Variants in NALF1 observed in about 807,000 individuals in gnomAD.
The protein encoded by NALF1 is family with sequence similarity 155 member A.
NALF1 carries 3 observed loss-of-function variants against 48.4 expected under a neutral mutation model. That is an observed-to-expected ratio of 0.06 (90% CI 0.03 to 0.16). The LOEUF (loss-of-function observed/expected upper bound fraction) is 0.16. NALF1 is among the 10% of genes least tolerant of loss of function. NALF1 has a pLI of 1.00. For synonymous variants in NALF1, 262 were observed against 245.7 expected (o/e 1.07, Z -0.62); for missense variants, 526 against 571.5 (o/e 0.92, Z 0.81).
intron 1 of NALF1, among the ~76,000 whole-genome samples, chr13:107,505,950 T>A (rs1875685078): frequency 1.3e-5 from 2 of 152,134 alleles, no homozygotes; most frequent in African/African-American, 4.8e-5. Flanking sequence ...TAAATGCAAG[T>A]AGATAGTATA....
chr13:107,681,742 G>C (rs1264422778), intron 1 of NALF1, among the ~76,000 whole-genome samples: 1 of 152,088 alleles, frequency 6.6e-6, no homozygotes, highest in Admixed American at 6.6e-5. Flanking sequence ...TCCTCTCAAG[G>C]GAGCCCAAAG....
chr13:107,535,301 G>C (rs572655014), intron 1 of NALF1, among the ~76,000 whole-genome samples: 147 of 152,182 alleles, frequency 9.7e-4, no homozygotes, highest in African/African-American at 3.3e-3. Context: ...CATTCAGTAT[G>C]ATATTGGCTG....
chr13:107,617,903 C>T (rs1879422715), intron 1 of NALF1, among the ~76,000 whole-genome samples: 2 of 152,126 alleles, frequency 1.3e-5, no homozygotes, highest in African/African-American at 4.8e-5. Flanking sequence ...TGAAATTTTG[C>T]TTTATCTCAT....
At chr13:107,436,965 T>C (rs1408428221) in intron 1 of NALF1, among the ~76,000 whole-genome samples, 2 of 152,140 alleles carry the variant, frequency 1.3e-5, no homozygotes, top group Non-Finnish European at 2.9e-5. Context: ...AAGACATGAC[T>C]TGTCAAAATA....
In NALF1 at chr13:107,710,967, G is replaced by A. The variant is rs1436355833; in HGVS notation, c.915+154715C>T. Among the ~76,000 whole-genome samples, 9 of 151,172 alleles carry A rather than the reference G, an allele frequency of 6.0e-5. No homozygotes were observed. The East Asian group carries it at 7.8e-4, about 13-fold the overall frequency. On this transcript the variant is annotated intron_variant, in intron 1 of 2. Transcript: ENST00000375915. Reference sequence around the variant, plus strand: ...CATACATTCCTAGTAGTTATGTATCGATGAGTCTTATTTGCTTGGGAATGA... The same window carrying A: ...CATACATTCCTAGTAGTTATGTATCAATGAGTCTTATTTGCTTGGGAATGA...
At chr13:107,520,464 G>A (rs1205739495) in intron 1 of NALF1, among the ~76,000 whole-genome samples, 8 of 152,212 alleles carry the variant, frequency 5.3e-5, no homozygotes, top group Non-Finnish European at 1.2e-4. Flanking sequence ...GAAGAAATGA[G>A]CTCAGAGATT....
At chr13:107,177,104 A>G (rs1878955425) in intron 2 of NALF1, among the ~76,000 whole-genome samples, 2 of 152,080 alleles carry the variant, frequency 1.3e-5, no homozygotes, top group African/African-American at 4.8e-5. Context: ...AAAGAAATAA[A>G]GAAAGTTATC....
chr13:107,727,085 C>G (rs1876179394), intron 1 of NALF1, among the ~76,000 whole-genome samples: 1 of 152,048 alleles, frequency 6.6e-6, no homozygotes, highest in Non-Finnish European at 1.5e-5. Flanking sequence ...GCTGGGATTA[C>G]AGGCGTGATC....
At chr13:107,618,587 C>T (rs902996936) in intron 1 of NALF1, among the ~76,000 whole-genome samples, 1 of 152,112 alleles carries the variant, frequency 6.6e-6, no homozygotes, top group Non-Finnish European at 1.5e-5. Context: ...ATGGCAGTGG[C>T]CGGACCGGGA....
chr13:107,517,465 CAAA>C (rs929840753), intron 1 of NALF1, among the ~76,000 whole-genome samples: 1 of 150,790 alleles, frequency 6.6e-6, no homozygotes, highest in Non-Finnish European at 1.5e-5. Flanking sequence ...CCCGTCTCTG[CAAA>C]AAAAATACAA....
At position 107,370,065 on chromosome 13, in the gene NALF1, T is replaced by A. The variant is rs1452996352; in HGVS notation, c.916-159310A>T. ...GCCATTCTTCCGAATCATGCACATG[T>A]TACTTTGGGAAAGCTAAATGCCTAT... On this transcript the variant is annotated intron_variant, in intron 1 of 2. Coordinates refer to ENST00000375915, the MANE Select transcript of NALF1 (RefSeq NM_001080396.3). 3.3e-5 allele frequency among the ~76,000 whole-genome samples: 5 copies of A among 152,204 alleles called. No individual in the cohort carries two copies. The East Asian group carries it at 9.6e-4, about 29-fold the overall frequency.
intron 1 of NALF1, among the ~76,000 whole-genome samples, chr13:107,442,633 T>C (rs1884579734): frequency 2.0e-5 from 3 of 152,196 alleles, no homozygotes; most frequent in Non-Finnish European, 2.9e-5. Flanking sequence ...TTAACCACAA[T>C]TGTCCTCCAG....
rs115550097 is a variant in NALF1 at position 107,528,607 on chromosome 13, G to C, written c.916-317852C>G. Among the ~76,000 whole-genome samples, 470 of 152,220 alleles carry C rather than the reference G, an allele frequency of 3.1e-3. 2 individuals are homozygous for C. The highest frequency in any genetic ancestry group is 0.011 in the African/African-American group (451 of 41,546). On this transcript the variant is annotated intron_variant, in intron 1 of 2. Transcript: ENST00000375915. ...ATCCGGCAGGCATCAAGGGATAAAG[G>C]CCTGTTCTCCAGGTGCGCAAGCCAG...
chr13:107,560,498 C>T (rs1418051531), intron 1 of NALF1, among the ~76,000 whole-genome samples: 1 of 151,646 alleles, frequency 6.6e-6, no homozygotes, highest in African/African-American at 2.4e-5. Context: ...TCTTTCAGTA[C>T]TTTAAAATTT....
intron 1 of NALF1, among the ~76,000 whole-genome samples, chr13:107,301,329 C>A (rs1192637282): frequency 6.6e-6 from 1 of 151,854 alleles, no homozygotes; most frequent in Non-Finnish European, 1.5e-5. Context: ...AATTAAAAAG[C>A]GAAAAAGAGA....
chr13:107,605,356 C>T (rs1337392456), intron 1 of NALF1, among the ~76,000 whole-genome samples: 2 of 152,130 alleles, frequency 1.3e-5, no homozygotes, highest in African/African-American at 4.8e-5. Flanking sequence ...CTTCATCAGG[C>T]GTCATAACCA....
chr13:107,841,081 A>G (rs374524118), intron 1 of NALF1, among the ~76,000 whole-genome samples: 20 of 152,244 alleles, frequency 1.3e-4, no homozygotes, highest in African/African-American at 4.8e-4. Flanking sequence ...TCACTCATTT[A>G]CTCAACAAAA....
chr13:107,206,938 G>C (rs894347700), intron 2 of NALF1, among the ~76,000 whole-genome samples: 5 of 152,324 alleles, frequency 3.3e-5, no homozygotes, highest in Admixed American at 3.3e-4. Flanking sequence ...AGTTCAAATA[G>C]TAGGAAAACC....
At chr13:107,731,132 C>T (rs1025736222) in intron 1 of NALF1, among the ~76,000 whole-genome samples, 18 of 152,102 alleles carry the variant, frequency 1.2e-4, no homozygotes, top group Non-Finnish European at 1.5e-5. Flanking sequence ...CTTTCTTAGG[C>T]AGCTAGTATG....
Sources: allele counts gnomAD v4.1 joint callset (sites outside exome capture counted in the v4.1 genomes callset), GRCh38; gene constraint gnomAD v4.1.1; transcripts MANE v1.5; gene names NCBI Gene and HGNC (gene_info 2026-07-23, HGNC 2026-07-21).